TENM3: variants seen among roughly 807,000 people sequenced by gnomAD.
TENM3 encodes the protein teneurin-3.
TENM3 carries 63 observed loss-of-function variants against 255.1 expected under a neutral mutation model. The observed-to-expected ratio is 0.25, with a 90% CI of 0.20 to 0.30. The LOEUF is 0.30. TENM3 is among the 10% of genes least tolerant of loss of function. The pLI is 1.00. For missense variants in TENM3, 2,929 were observed against 3,461.1 expected, an observed-to-expected ratio of 0.85 and a Z score of 3.86; for synonymous variants, 1,306 against 1,322.3, an observed-to-expected ratio of 0.99 and a Z score of 0.27.
At chr4:181,865,428 C>A in the TENM3 span, among the ~76,000 whole-genome samples, 14 of 152,110 alleles carry the variant, frequency 9.2e-5, no homozygotes, top group Non-Finnish European at 1.8e-4. Flanking sequence ...ACAGAAGACA[C>A]AAAATGCATT....
chr4:182,714,409 T>C (rs1758999015), intron 13 of TENM3, among the ~76,000 whole-genome samples, 176 bp downstream of exon 13: 1 of 152,054 alleles, frequency 6.6e-6, no homozygotes, highest in Admixed American at 6.6e-5. Context: ...CTCTCCATTT[T>C]TCCTGAAACA....
the TENM3 span, among the ~76,000 whole-genome samples, chr4:181,530,472 G>C: frequency 6.6e-6 from 1 of 152,156 alleles, no homozygotes; most frequent in Non-Finnish European, 1.5e-5. Context: ...GAGTTGCAAT[G>C]CATGAGTTAC....
In TENM3 at chr4:182,458,046, G is replaced by A. The variant is rs1287415048; in HGVS notation, c.511+111117G>A. On this transcript the variant is annotated intron_variant, in intron 3 of 27. Coordinates refer to ENST00000511685, the MANE Select transcript of TENM3 (RefSeq NM_001080477.4). ...GGATGTTACAAACATTCTCATATTT[G>A]CTCAAGGCAAATCATTTAATTTATC... 2.0e-5 allele frequency among the ~76,000 whole-genome samples: 3 copies of A among 152,136 alleles called. No homozygotes were observed. In the South Asian group the frequency reaches 6.2e-4, roughly 32 times the overall value.
At chr4:182,449,792 C>T (rs1378725449) in intron 3 of TENM3, among the ~76,000 whole-genome samples, 1 of 152,196 alleles carries the variant, frequency 6.6e-6, no homozygotes, top group African/African-American at 2.4e-5. Context: ...AGAAATTCAA[C>T]TTTGCAGTTG....
At chr4:182,075,192 T>C in the TENM3 span, among the ~76,000 whole-genome samples, 2 of 112,112 alleles carry the variant, frequency 1.8e-5, no homozygotes, top group African/African-American at 4.3e-5. Context: ...TGGACACTTG[T>C]TTTTTTTCTT....
At chr4:182,013,241 T>G in the TENM3 span, among the ~76,000 whole-genome samples, 4 of 152,214 alleles carry the variant, frequency 2.6e-5, no homozygotes, top group Non-Finnish European at 5.9e-5. Context: ...TTTTCCTGTG[T>G]TTTTCAAAAT....
chr4:182,258,482 C>A (rs1247976474), intron 1 of TENM3, among the ~76,000 whole-genome samples: 1 of 151,896 alleles, frequency 6.6e-6, no homozygotes, highest in Non-Finnish European at 1.5e-5. Flanking sequence ...ATTCAATGAC[C>A]ACCTACTTTA....
chr4:181,803,254 A>G, the TENM3 span, among the ~76,000 whole-genome samples: 2 of 152,196 alleles, frequency 1.3e-5, no homozygotes, highest in Admixed American at 6.5e-5. Flanking sequence ...TAAATATCCA[A>G]ACAATTACAA....
the TENM3 span, among the ~76,000 whole-genome samples, chr4:181,505,521 T>C: frequency 6.6e-6 from 1 of 152,180 alleles, no homozygotes. Flanking sequence ...TTAAAGTAAA[T>C]TTGCAGTGAT....
At chr4:181,568,238 A>C in the TENM3 span, among the ~76,000 whole-genome samples, 1 of 145,696 alleles carries the variant, frequency 6.9e-6, no homozygotes, top group African/African-American at 2.6e-5. Flanking sequence ...GTCTCAGCTC[A>C]CTGCAACCTC....
chr4:182,597,161 G>A (rs1747328566), intron 3 of TENM3, among the ~76,000 whole-genome samples: 1 of 152,172 alleles, frequency 6.6e-6, no homozygotes, highest in Non-Finnish European at 1.5e-5. Flanking sequence ...TCAGTACTTT[G>A]GGAGGCCTCC....
At chr4:182,520,580 A>G (rs887399905) in intron 3 of TENM3, among the ~76,000 whole-genome samples, 1 of 152,198 alleles carries the variant, frequency 6.6e-6, no homozygotes, top group African/African-American at 2.4e-5. Flanking sequence ...GTTTTGCATT[A>G]AATTATTCCT....
intron 5 of TENM3, among the ~76,000 whole-genome samples, chr4:182,634,385 C>T (rs747137733): frequency 6.6e-6 from 1 of 152,070 alleles, no homozygotes; most frequent in Non-Finnish European, 1.5e-5. Flanking sequence ...AATTGAGAAA[C>T]CTTAGCTGAC....
intron 3 of TENM3, among the ~76,000 whole-genome samples, chr4:182,539,773 A>G (rs889041661): frequency 6.6e-6 from 1 of 152,208 alleles, no homozygotes; most frequent in African/African-American, 2.4e-5. Flanking sequence ...AATGTGTATA[A>G]TATTTACTGA....
At chr4:181,888,532 A>ATATATATATATATATATATATATATATG in the TENM3 span, among the ~76,000 whole-genome samples, 1 of 78,750 alleles carries the variant, frequency 1.3e-5, no homozygotes, top group African/African-American at 4.6e-5. Flanking sequence ...ATATACATAT[A>ATATATATATATATATATATATATATATG]TGTGTATATA....
chr4:182,460,895 A>G (rs1254328127), intron 3 of TENM3, among the ~76,000 whole-genome samples: 1 of 152,208 alleles, frequency 6.6e-6, no homozygotes, highest in Non-Finnish European at 1.5e-5. Context: ...GGAACTTACT[A>G]ATTTCTTAAG....
chr4:182,249,653 T>C lies in TENM3; in HGVS notation c.-76+6177T>C, dbSNP rs575583012. Reference sequence around the variant, plus strand: ...CCACAGTGAGGGCACTAAGTGGTGGTGGTGGGGGTTGGGGACCTCTGAGGA... The same window carrying C: ...CCACAGTGAGGGCACTAAGTGGTGGCGGTGGGGGTTGGGGACCTCTGAGGA... On this transcript the variant is annotated intron_variant, in intron 1 of 27. Coordinates refer to ENST00000511685, the MANE Select transcript of TENM3 (RefSeq NM_001080477.4). 7.2e-5 allele frequency among the ~76,000 whole-genome samples: 11 copies of C among 152,206 alleles called. No homozygotes were observed. The South Asian group carries it at 1.7e-3, about 23-fold the overall frequency.
At chr4:182,443,124 T>C (rs1772639024) in intron 3 of TENM3, among the ~76,000 whole-genome samples, 1 of 152,146 alleles carries the variant, frequency 6.6e-6, no homozygotes, top group African/African-American at 2.4e-5. Flanking sequence ...AACAATTCAA[T>C]CATCTTTATT....
intron 22 of TENM3, among the ~76,000 whole-genome samples, chr4:182,770,974 G>A (rs142910330): frequency 7.9e-5 from 12 of 152,308 alleles, no homozygotes; most frequent in South Asian, 2.1e-4. Context: ...AAGCTGGGCC[G>A]CTAGGATCCC....
Sources: gnomAD v4.1 joint callset for allele counts (sites outside exome capture counted in the v4.1 genomes callset) on GRCh38, gnomAD v4.1.1 for gene constraint, MANE v1.5 for transcripts, NCBI Gene and HGNC (gene_info 2026-07-23, HGNC 2026-07-21) for gene names.